Variants in RANBP1 observed in about 807,000 individuals in gnomAD.
RANBP1 encodes the protein RAN binding protein 1.
A neutral mutation model predicts 31.4 loss-of-function variants in RANBP1; 16 were observed. The observed-to-expected ratio is 0.51, with a 90% CI of 0.34 to 0.77. The LOEUF (loss-of-function observed/expected upper bound fraction) is 0.77, where lower values mean the gene tolerates loss of function less well. Among genes scored for constraint, RANBP1 ranks in the 30% least tolerant of loss-of-function variants. The pLI, the probability that RANBP1 is intolerant of heterozygous loss-of-function variation, is 0.01. For synonymous variants in RANBP1, 129 were observed against 140.5 expected, an observed-to-expected ratio of 0.92 and a Z score of 0.58; for missense variants, 265 against 362.0, an observed-to-expected ratio of 0.73 and a Z score of 2.17.
chr22:20,118,943 G>A (rs2050115161), intron 1 of RANBP1, 70 bp from the exon 2 acceptor site: 1 of 1,502,718 alleles, frequency 6.7e-7, no homozygotes, highest in African/African-American at 1.4e-5. Flanking sequence ...GACCACTGCA[G>A]GCACTGGTTG....
At chr22:20,118,972 G>T in intron 1 of RANBP1, 41 bp from the exon 2 acceptor site, 1 of 1,597,048 alleles carries the variant, frequency 6.3e-7, no homozygotes. Flanking sequence ...TTGTGAGCCA[G>T]ATCCATAGGC....
chr22:20,125,694 A>C, intron 4 of RANBP1: 1 of 1,341,846 alleles, frequency 7.5e-7, no homozygotes, highest in South Asian at 1.5e-5. Context: ...TGTGGCTGGC[A>C]CTTTGGTTTG....
intron 3 of RANBP1, 154 bp downstream of exon 3, chr22:20,122,575 T>C: frequency 1.3e-6 from 2 of 1,542,766 alleles, no homozygotes; most frequent in Non-Finnish European, 1.8e-6. Flanking sequence ...AAATACGTTT[T>C]TCAGACGTGC....
intron 2 of RANBP1, among the ~76,000 whole-genome samples, chr22:20,121,639 C>T (rs531804225): frequency 1.3e-5 from 2 of 152,156 alleles, no homozygotes; most frequent in Non-Finnish European, 2.9e-5. Flanking sequence ...TGAACTCCTG[C>T]GCTCAAGGGA....
intron 3 of RANBP1, chr22:20,124,187 C>T (rs1410529196): frequency 6.6e-6 from 1 of 152,614 alleles, no homozygotes; most frequent in African/African-American, 2.4e-5. Flanking sequence ...TGTGCTGCTC[C>T]CAGAGCCTGG....
rs965325741 is a variant in RANBP1, at chr22:20,126,293, C to T, written c.671-10C>T. 1 of 1,611,988 alleles carries T rather than the reference C, an allele frequency of 6.2e-7. No homozygotes were observed. The highest frequency in any genetic ancestry group is 1.3e-5 in the African/African-American group (1 of 74,964). On this transcript the variant is annotated splice_polypyrimidine_tract_variant and intron_variant, in intron 4 of 5. Coordinates refer to ENST00000430524, the MANE Select transcript of RANBP1 (RefSeq NM_001278639.2). ...CAGCTCTTAGGAAGTCTTCGCTCTCCCTTCCACAGATGCACAGAAATTCAA... is the reference window on the plus strand; with the variant it reads ...CAGCTCTTAGGAAGTCTTCGCTCTCTCTTCCACAGATGCACAGAAATTCAA...
intron 5 of RANBP1, 126 bp from the exon 6 acceptor site, chr22:20,126,826 G>A: frequency 1.4e-6 from 2 of 1,386,936 alleles, no homozygotes; most frequent in Non-Finnish European, 2.0e-6. Context: ...TGGCCAGGCA[G>A]GAGTCTGTCC....
chr22:20,119,307 C>G (rs919415331), intron 2 of RANBP1, 158 bp downstream of exon 2: 1 of 688,934 alleles, frequency 1.5e-6, no homozygotes, highest in African/African-American at 1.8e-5. Context: ...TAACCCGTTC[C>G]TTTCATGAAT....
intron 2 of RANBP1, among the ~76,000 whole-genome samples, chr22:20,121,878 A>G (rs1264176528): frequency 7.2e-6 from 1 of 138,656 alleles, no homozygotes; most frequent in Non-Finnish European, 1.6e-5. Context: ...AGCTGGGATT[A>G]CAGGCGTGCA....
chr22:20,123,550 G>A (rs1388097888), intron 3 of RANBP1, among the ~76,000 whole-genome samples: 2 of 151,780 alleles, frequency 1.3e-5, no homozygotes, highest in Admixed American at 6.6e-5. Context: ...TGTGTGAGGT[G>A]CCCAGGCACC....
At chr22:20,122,237 C>T (rs186656380) in intron 2 of RANBP1, 27 bp from the exon 3 acceptor site, 2 of 1,610,020 alleles carry the variant, frequency 1.2e-6, no homozygotes, top group South Asian at 1.1e-5. Context: ...CAGGTCTGCA[C>T]TCTTAACCTC....
chr22:20,121,347 T>G lies in RANBP1; in HGVS notation c.384-917T>G, dbSNP rs567565147. Among the ~76,000 whole-genome samples, 381 of 152,252 alleles carry G rather than the reference T, an allele frequency of 2.5e-3. 4 individuals carry two copies. The highest frequency in any genetic ancestry group is 8.9e-3 in the African/African-American group (368 of 41,554). ...TCGCCGCAACCTCTGCCTCCCGGCT[T>G]CAAGGGATTCTCCTGCCTCAGCCTC... On this transcript the variant is annotated intron_variant, in intron 2 of 5. Transcript: ENST00000430524.
At chr22:20,118,143 G>A in intron 1 of RANBP1, 1 of 1,001,102 alleles carries the variant, frequency 1.0e-6, no homozygotes, top group Non-Finnish European at 1.2e-6. Context: ...TCCTAGATGC[G>A]CCGACCCAGG....
At chr22:20,122,736 T>TGTGTGTGTGTGA (rs1361768160) in intron 3 of RANBP1, 1 of 1,011,090 alleles carries the variant, frequency 9.9e-7, no homozygotes, top group African/African-American at 3.1e-5. Flanking sequence ...TGTGTGTGTG[T>TGTGTGTGTGTGA]GTGTGTGTGT....
In RANBP1 at chr22:20,125,454, G is replaced by A; in HGVS notation, c.670+18G>A. 1 of 1,591,672 alleles carries A rather than the reference G, an allele frequency of 6.3e-7. No individual in the cohort carries two copies. The highest frequency in any genetic ancestry group is 1.1e-5 in the South Asian group (1 of 88,620). ...TGCTGAGAGTGAGCCAAGGGCCCTG[G>A]GGACCTGCCTGACTTGGGGCTCACC... is the stretch of plus-strand genomic sequence containing the variant. On this transcript the variant is annotated intron_variant, in intron 4 of 5. Coordinates refer to ENST00000430524, the MANE Select transcript of RANBP1 (RefSeq NM_001278639.2).
At chr22:20,123,629 G>T (rs562462450) in intron 3 of RANBP1, among the ~76,000 whole-genome samples, 150 of 152,098 alleles carry the variant, frequency 9.9e-4, no homozygotes, top group African/African-American at 3.3e-3. Context: ...GAGGGGAACG[G>T]GGCTGAGAAG....
At chr22:20,123,521 CG>C (rs1335142159) in intron 3 of RANBP1, among the ~76,000 whole-genome samples, 1 of 150,840 alleles carries the variant, frequency 6.6e-6, no homozygotes, top group Non-Finnish European at 1.5e-5. Flanking sequence ...TGGGGGTGTT[CG>C]GGCAGTGTAA....
At chr22:20,118,251 T>C in intron 1 of RANBP1, 1 of 1,002,532 alleles carries the variant, frequency 1.0e-6, no homozygotes, top group South Asian at 4.7e-5. Context: ...GCTTATGTTT[T>C]CTTTTCCAGT....
chr22:20,125,602 T>G, intron 4 of RANBP1, 166 bp downstream of exon 4: 1 of 1,516,202 alleles, frequency 6.6e-7, no homozygotes, highest in Non-Finnish European at 8.8e-7. Context: ...ATGCCCAGAC[T>G]GAAGCCATGA....
Sources: allele counts gnomAD v4.1 joint callset (sites outside exome capture counted in the v4.1 genomes callset), GRCh38; gene constraint gnomAD v4.1.1; transcripts MANE v1.5; gene names NCBI Gene and HGNC (gene_info 2026-07-23, HGNC 2026-07-21).